The following MAPKAPK5 variants were observed in gnomAD, a reference collection of about 807,000 sequenced individuals.
MAPKAPK5 encodes MAPK activated protein kinase 5.
A neutral mutation model predicts 65.1 loss-of-function variants in MAPKAPK5; 30 were observed. The observed-to-expected ratio is 0.46, with a 90% CI of 0.34 to 0.63. The LOEUF is 0.63. Among genes scored for constraint, MAPKAPK5 ranks in the 20% least tolerant of loss-of-function variants. MAPKAPK5 has a pLI of 0.01. For missense variants in MAPKAPK5, 433 were observed against 581.4 expected, an observed-to-expected ratio of 0.74 and a Z score of 2.63; for synonymous variants, 179 against 204.6, an observed-to-expected ratio of 0.87 and a Z score of 1.07.
At position 111,842,603 on chromosome 12, in the gene MAPKAPK5, C is replaced by T; in HGVS notation, c.-131C>T. 1 of 534,732 alleles carries T rather than the reference C, an allele frequency of 1.9e-6. No homozygotes were observed. Among genetic ancestry groups the T allele is most frequent in the Non-Finnish European group, 3.0e-6 (1 of 336,918 alleles). The allele number at this position is 534,732 out of a possible 1,614,324, so 33.1% of individuals were successfully genotyped here. A position where few individuals can be genotyped will look rare whatever the true frequency, so the allele number is the denominator to read the frequency against. On this transcript the variant is annotated 5_prime_UTR_variant, in exon 1 of 14. Coordinates refer to ENST00000550735, the MANE Select transcript of MAPKAPK5 (RefSeq NM_003668.4). ...CCGGGGTCCTCATCCCCACCGGTCC[C>T]GAGGGGCGGCTGCTGCCCGTCGCCA...
In MAPKAPK5 at chr12:111,880,787, C is replaced by T. The variant is rs2070175891; in HGVS notation, c.660+260C>T. 1.3e-5 allele frequency among the ~76,000 whole-genome samples: 2 copies of T among 152,170 alleles called. 1 individual carries two copies. The highest frequency in any genetic ancestry group is 4.1e-4 in the South Asian group (2 of 4,826). ...AATGAAATATCAAATAAAGTTTGTA[C>T]CCAATTAGCTTTTGCAGTGGTAATT... On this transcript the variant is annotated intron_variant, in intron 8 of 13. Coordinates refer to ENST00000550735, the MANE Select transcript of MAPKAPK5 (RefSeq NM_003668.4).
intron 7 of MAPKAPK5, among the ~76,000 whole-genome samples, chr12:111,878,684 G>A (rs2070084006): frequency 6.6e-6 from 1 of 152,054 alleles, no homozygotes; most frequent in South Asian, 2.1e-4. Flanking sequence ...CTCCCAAAGT[G>A]CTGGGATTAC....
chr12:111,856,298 CAT>C (rs147664570), intron 1 of MAPKAPK5, among the ~76,000 whole-genome samples: 1 of 151,774 alleles, frequency 6.6e-6, no homozygotes, highest in Non-Finnish European at 1.5e-5. Context: ...TATGGCCTAT[CAT>C]AAGCCATTTC....
chr12:111,846,373 A>G (rs1181853734), intron 1 of MAPKAPK5, among the ~76,000 whole-genome samples: 1 of 152,198 alleles, frequency 6.6e-6, no homozygotes, highest in Admixed American at 6.5e-5. Flanking sequence ...GGTTGATTGG[A>G]CTTTAAGATC....
chr12:111,874,895 C>A (rs1243503649), intron 7 of MAPKAPK5, among the ~76,000 whole-genome samples: 1 of 150,710 alleles, frequency 6.6e-6, no homozygotes, highest in Non-Finnish European at 1.5e-5. Flanking sequence ...CTTCCTCAGC[C>A]TCCCGAGTAG....
chr12:111,879,254 G>A (rs111853252), intron 7 of MAPKAPK5: 1 of 152,050 alleles, frequency 6.6e-6, no homozygotes, highest in Non-Finnish European at 1.5e-5. Context: ...CTTAATGCTT[G>A]ATATTTTTTC....
chr12:111,884,718 G>A (rs1388440115), intron 9 of MAPKAPK5, among the ~76,000 whole-genome samples: 3 of 152,144 alleles, frequency 2.0e-5, no homozygotes, highest in Admixed American at 2.0e-4. Flanking sequence ...CCCACTGCTG[G>A]GTCTTCACTG....
chr12:111,900,700 A>G lies in MAPKAPK5; in HGVS notation c.*7639A>G, dbSNP rs73424293. On this transcript the variant is annotated 3_prime_UTR_variant, in exon 14 of 14. Transcript: ENST00000550735. ...GAGTGCAGTGATGGTCCATGTTGTC[A>G]TAAGTGTAAATTTCACCGTAAGGGA... 369 of 456,148 alleles carry G rather than the reference A, an allele frequency of 8.1e-4. No homozygotes were observed. The highest frequency in any genetic ancestry group is 6.0e-3 in the African/African-American group (303 of 50,220). 28.3% of individuals were successfully genotyped at this position (456,148 alleles called of 1,614,324 possible).
chr12:111,866,040 G>C, intron 2 of MAPKAPK5, 116 bp from the exon 3 acceptor site: 1 of 768,588 alleles, frequency 1.3e-6, no homozygotes, highest in Non-Finnish European at 2.1e-6. Context: ...AGTTTGTTCT[G>C]GATGCACCTG....
At position 111,897,877 on chromosome 12, in the gene MAPKAPK5, T is replaced by C. The variant is rs2070874615; in HGVS notation, c.*4816T>C. The C allele has an allele frequency of 6.6e-6, 1 of 151,952 alleles. No homozygotes were observed. The highest frequency in any genetic ancestry group is 1.5e-5 in the Non-Finnish European group (1 of 68,014). 9.4% of individuals were successfully genotyped at this position (151,952 alleles called of 1,614,324 possible). A position where few individuals can be genotyped will look rare whatever the true frequency, so the allele number is the denominator to read the frequency against. ...AGGTCTCATGTTGTAAATATTTGAC[T>C]TGCTGTAAAATTATACAAGATAAAA... is the stretch of plus-strand genomic sequence containing the variant. On this transcript the variant is annotated 3_prime_UTR_variant, in exon 14 of 14. Coordinates refer to ENST00000550735, the MANE Select transcript of MAPKAPK5 (RefSeq NM_003668.4).
chr12:111,876,910 C>T (rs1228895229), intron 7 of MAPKAPK5, among the ~76,000 whole-genome samples: 2 of 150,608 alleles, frequency 1.3e-5, no homozygotes, highest in Non-Finnish European at 3.0e-5. Context: ...TTACAGTGTA[C>T]AAAGGCTCCC....
chr12:111,891,724 T>C (rs1418202335), intron 13 of MAPKAPK5, among the ~76,000 whole-genome samples: 2 of 151,140 alleles, frequency 1.3e-5, no homozygotes, highest in Non-Finnish European at 2.9e-5. Context: ...GGAGAATCGC[T>C]TGAACCTGGG....
intron 1 of MAPKAPK5, among the ~76,000 whole-genome samples, chr12:111,860,620 C>T (rs2069406696): frequency 6.6e-6 from 1 of 152,110 alleles, no homozygotes; most frequent in African/African-American, 2.4e-5. Flanking sequence ...AGCATTGTCA[C>T]CAGCTGACTA....
chr12:111,880,586 TGTTTG>T lies in MAPKAPK5; in HGVS notation c.660+60_660+64del. On this transcript the variant is annotated intron_variant, in intron 8 of 13. Transcript: ENST00000550735. The stretch of plus-strand genomic sequence containing the variant: ...ATGCAGCCCCTCTCCTTTAGTGAGG[TGTTTG>T]TGGCCCTCTGGGAGTGTGGCCAATT... 2.1e-6 allele frequency: 3 copies of T among 1,463,282 alleles called. No homozygotes were observed. In the Admixed American group the frequency reaches 5.1e-5, roughly 25 times the overall value. 90.6% of individuals were successfully genotyped at this position (1,463,282 alleles called of 1,614,324 possible).
At chr12:111,861,136 A>G (rs1211617042) in intron 1 of MAPKAPK5, among the ~76,000 whole-genome samples, 1 of 151,140 alleles carries the variant, frequency 6.6e-6, no homozygotes, top group Non-Finnish European at 1.5e-5. Context: ...CAGCCTGGGC[A>G]ACAAGAGCGA....
At chr12:111,882,295 G>A (rs1412780638) in intron 8 of MAPKAPK5, among the ~76,000 whole-genome samples, 9 of 152,174 alleles carry the variant, frequency 5.9e-5, no homozygotes, top group African/African-American at 2.2e-4. Context: ...CATGAGAATC[G>A]CTTGAACCCA....
chr12:111,876,253 A>G lies in MAPKAPK5; in HGVS notation c.580-4194A>G, dbSNP rs144547291. On this transcript the variant is annotated intron_variant, in intron 7 of 13. Transcript: ENST00000550735. Reference sequence around the variant, plus strand: ...GATGATTTTATAATTTATCTTTGACACTTTCCAGCTTTCTATATCCTAGCA... The same window carrying G: ...GATGATTTTATAATTTATCTTTGACGCTTTCCAGCTTTCTATATCCTAGCA... 4.7e-3 allele frequency among the ~76,000 whole-genome samples: 718 copies of G among 151,164 alleles called. 9 individuals carry two copies. Among genetic ancestry groups the G allele is most frequent in the African/African-American group, 0.016 (661 of 41,246 alleles).
chr12:111,886,095 G>C (rs1272812885), intron 10 of MAPKAPK5, 59 bp downstream of exon 10: 1 of 1,612,054 alleles, frequency 6.2e-7, no homozygotes, highest in East Asian at 2.2e-5. Context: ...GAATGCTGGG[G>C]CTTGGCTCAG....
At chr12:111,876,370 AAAT>A (rs765689665) in intron 7 of MAPKAPK5, among the ~76,000 whole-genome samples, 12 of 152,018 alleles carry the variant, frequency 7.9e-5, no homozygotes, top group Non-Finnish European at 1.5e-4. Context: ...CTGGGTGATG[AAAT>A]AATCTGTATA....
Sources: allele counts gnomAD v4.1 joint callset (sites outside exome capture counted in the v4.1 genomes callset), GRCh38; gene constraint gnomAD v4.1.1; transcripts MANE v1.5; gene names NCBI Gene and HGNC (gene_info 2026-07-23, HGNC 2026-07-21).